Variants in VPS41 observed in about 807,000 individuals in gnomAD.
The protein encoded by VPS41 is vacuolar protein sorting-associated protein 41 homolog.
Under a neutral mutation model 130.9 loss-of-function variants are expected in VPS41, and 85 were observed. The observed-to-expected ratio is 0.65, with a 90% CI of 0.55 to 0.78. The LOEUF (loss-of-function observed/expected upper bound fraction) is 0.78, where lower values mean the gene tolerates loss of function less well. Among genes scored for constraint, VPS41 ranks in the 30% least tolerant of loss-of-function variants. The probability of loss-of-function intolerance (pLI) is 0.00; values close to 1 mark genes in which losing one functional copy is unlikely to be tolerated. For synonymous variants in VPS41, 335 were observed against 332.9 expected (o/e 1.01, Z -0.07); for missense variants, 874 against 1,018.7 (o/e 0.86, Z 1.93).
At chr7:38,892,444 A>G (rs1344909118) in intron 2 of VPS41, among the ~76,000 whole-genome samples, 1 of 152,200 alleles carries the variant, frequency 6.6e-6, no homozygotes, top group Non-Finnish European at 1.5e-5. Flanking sequence ...ACTGTTTTCT[A>G]TACTAAATAA....
intron 13 of VPS41, among the ~76,000 whole-genome samples, 195 bp from the exon 14 acceptor site, chr7:38,771,449 T>C (rs779149541): frequency 2.0e-5 from 3 of 152,226 alleles, no homozygotes; most frequent in Non-Finnish European, 2.9e-5. Flanking sequence ...GTTAATGCTA[T>C]GGTTGAATGA....
At chr7:38,784,634 G>A (rs944744906) in intron 10 of VPS41, among the ~76,000 whole-genome samples, 1 of 136,958 alleles carries the variant, frequency 7.3e-6, no homozygotes, top group Non-Finnish European at 1.6e-5. Flanking sequence ...ACCCTATATC[G>A]AAAGAAGGAG....
intron 1 of VPS41, among the ~76,000 whole-genome samples, chr7:38,900,091 T>C (rs1787109435): frequency 6.6e-6 from 1 of 151,260 alleles, no homozygotes; most frequent in Admixed American, 6.6e-5. Flanking sequence ...CTAGAAAAAA[T>C]GAAAAGAAAA....
intron 2 of VPS41, among the ~76,000 whole-genome samples, chr7:38,876,401 T>A (rs1247578065): frequency 1.3e-5 from 2 of 152,140 alleles, no homozygotes; most frequent in Admixed American, 6.6e-5. Flanking sequence ...TGTATATGCA[T>A]ATATGGGGGG....
intron 10 of VPS41, among the ~76,000 whole-genome samples, chr7:38,779,537 T>C (rs999411259): frequency 2.6e-5 from 4 of 152,188 alleles, no homozygotes; most frequent in Non-Finnish European, 5.9e-5. Flanking sequence ...AACTCACTTC[T>C]AATGTGAGTT....
At chr7:38,865,438 A>AT (rs2116323843) in intron 3 of VPS41, among the ~76,000 whole-genome samples, 1 of 152,042 alleles carries the variant, frequency 6.6e-6, no homozygotes, top group South Asian at 2.1e-4. Flanking sequence ...ACACACACAA[A>AT]AAAAAACACT....
intron 17 of VPS41, among the ~76,000 whole-genome samples, chr7:38,762,950 A>G (rs1446545100): frequency 6.6e-6 from 1 of 152,196 alleles, no homozygotes; most frequent in East Asian, 1.9e-4. Context: ...AGGATTTTTA[A>G]AAGTTTCATG....
chr7:38,831,586 T>A (rs980978546), intron 4 of VPS41, among the ~76,000 whole-genome samples: 1 of 152,270 alleles, frequency 6.6e-6, no homozygotes, highest in Non-Finnish European at 1.5e-5. Flanking sequence ...TTTCCTTCTA[T>A]ATACACGTTT....
chr7:38,756,271 A>G (rs2040878), intron 19 of VPS41, among the ~76,000 whole-genome samples: 135,740 of 151,628 alleles, frequency 0.9, 60,837 homozygotes, highest in East Asian at 0.99. Context: ...CTTTGCAAGC[A>G]CCAATGTGAG....
At chr7:38,748,155 C>T (rs543572222) in intron 22 of VPS41, among the ~76,000 whole-genome samples, 2 of 152,168 alleles carry the variant, frequency 1.3e-5, no homozygotes, top group Non-Finnish European at 2.9e-5. Context: ...CCATGGTGCT[C>T]CCTCTAGAGG....
chr7:38,733,496 C>CA (rs1305892489), intron 25 of VPS41, among the ~76,000 whole-genome samples: 3 of 152,238 alleles, frequency 2.0e-5, no homozygotes, highest in African/African-American at 7.2e-5. Flanking sequence ...AGCTTATAAG[C>CA]ATGCAGTTTT....
chr7:38,764,846 TA>T (rs755667678), intron 16 of VPS41, among the ~76,000 whole-genome samples: 28 of 151,962 alleles, frequency 1.8e-4, no homozygotes, highest in South Asian at 4.2e-4. Flanking sequence ...CATCACATGA[TA>T]TTCAAAAAAA....
At chr7:38,761,409 G>A (rs1783916359) in intron 17 of VPS41, among the ~76,000 whole-genome samples, 2 of 149,500 alleles carry the variant, frequency 1.3e-5, no homozygotes, top group Non-Finnish European at 3.0e-5. Flanking sequence ...CCAAATAGCT[G>A]GGACTACAGG....
chr7:38,788,658 T>A (rs2115938208), intron 10 of VPS41, among the ~76,000 whole-genome samples: 1 of 152,338 alleles, frequency 6.6e-6, no homozygotes, highest in East Asian at 1.9e-4. Context: ...AACAATTATC[T>A]ATATAGTCTA....
At chr7:38,789,911 A>C (rs1175260448) in intron 9 of VPS41, 44 bp from the exon 10 acceptor site, 1 of 1,600,088 alleles carries the variant, frequency 6.2e-7, no homozygotes, top group Non-Finnish European at 8.6e-7. Flanking sequence ...TTGATGGAAA[A>C]TTCTTCATAA....
intron 1 of VPS41, among the ~76,000 whole-genome samples, chr7:38,900,697 T>C (rs1024947865): frequency 5.9e-5 from 9 of 152,354 alleles, no homozygotes; most frequent in African/African-American, 1.9e-4. Context: ...AAAACTGGGC[T>C]CTGAGAGTAG....
intron 5 of VPS41, among the ~76,000 whole-genome samples, chr7:38,823,403 A>C (rs1785213747): frequency 2.0e-5 from 3 of 152,320 alleles, no homozygotes; most frequent in Admixed American, 6.5e-5. Context: ...CAGAACTGTG[A>C]GAAATAAATT....
In VPS41 at chr7:38,755,090, A is replaced by G. The variant is rs187820960; in HGVS notation, c.1696-154T>C. ...GGCTTTACAATGGCTCTTATGGAAA[A>G]TGACATTTGTGAAGAACTGCATTTT... On this transcript the variant is annotated intron_variant, in intron 19 of 28. Coordinates refer to ENST00000310301, the MANE Select transcript of VPS41 (RefSeq NM_014396.4). Among the ~76,000 whole-genome samples the G allele has an allele frequency of 3.8e-3, 577 of 152,360 alleles. 3 individuals are homozygous for G. The highest frequency in any genetic ancestry group is 0.01 in the Middle Eastern group (3 of 294).
At chr7:38,821,401 C>G (rs1159139296) in intron 5 of VPS41, 136 bp from the exon 6 acceptor site, 2 of 629,484 alleles carry the variant, frequency 3.2e-6, no homozygotes, top group East Asian at 2.8e-5. Context: ...TATTAAATAT[C>G]TAATGAAAAC....
Sources: allele counts gnomAD v4.1 joint callset (sites outside exome capture counted in the v4.1 genomes callset), GRCh38; gene constraint gnomAD v4.1.1; transcripts MANE v1.5; gene names NCBI Gene and HGNC (gene_info 2026-07-23, HGNC 2026-07-21).